The following CADPS2 variants were observed in gnomAD, a reference collection of about 807,000 sequenced individuals.
CADPS2 encodes the protein calcium-dependent secretion activator 2.
A neutral mutation model predicts 172.5 loss-of-function variants in CADPS2; 93 were observed. That is an observed-to-expected ratio of 0.54 (90% CI 0.46 to 0.64). The LOEUF (loss-of-function observed/expected upper bound fraction) is 0.64, where lower values mean the gene tolerates loss of function less well. Among genes scored for constraint, CADPS2 ranks in the 30% least tolerant of loss-of-function variants. The pLI is 0.00. For missense variants in CADPS2, 1,420 were observed against 1,565.9 expected (o/e 0.91, Z 1.57); for synonymous variants, 546 against 555.2 (o/e 0.98, Z 0.23).
rs371276214 is a variant in CADPS2 at position 122,705,957 on chromosome 7, T to TA, written c.453+30997dup. ...ATATTATATAATATAATATATAATA[T>TA]ATATATAATATAATATAATATATAA... On this transcript the variant is annotated intron_variant, in intron 2 of 29. Coordinates refer to ENST00000449022, the MANE Select transcript of CADPS2 (RefSeq NM_017954.11). 7.0e-3 allele frequency among the ~76,000 whole-genome samples: 86 copies of TA among 12,312 alleles called. 27 individuals carry two copies. The highest frequency in any genetic ancestry group is 0.039 in the African/African-American group (84 of 2,168). 8.1% of individuals were successfully genotyped at this position (12,312 alleles called of 152,430 possible).
At chr7:122,645,526 A>ATTTACATAT (rs1563950770) in intron 3 of CADPS2, among the ~76,000 whole-genome samples, 9 of 29,066 alleles carry the variant, frequency 3.1e-4, no homozygotes, top group African/African-American at 9.2e-4. Flanking sequence ...ATATATATAT[A>ATTTACATAT]AGTATATATA....
chr7:122,718,659 A>C (rs373744353), intron 2 of CADPS2, among the ~76,000 whole-genome samples: 16 of 152,252 alleles, frequency 1.1e-4, no homozygotes, highest in African/African-American at 3.8e-4. Flanking sequence ...AACTGATCAA[A>C]TGGGGCCGTG....
intron 1 of CADPS2, among the ~76,000 whole-genome samples, chr7:122,747,912 T>C (rs375021611): frequency 2.3e-4 from 35 of 152,296 alleles, no homozygotes; most frequent in African/African-American, 6.7e-4. Context: ...ATCTCCTTCT[T>C]TCTGCTGCCC....
intron 2 of CADPS2, chr7:122,697,902 T>G (rs1468357344): frequency 1.9e-6 from 3 of 1,613,534 alleles, no homozygotes; most frequent in Non-Finnish European, 2.5e-6. Context: ...CAGGAGAAAC[T>G]TCATTATTTG....
chr7:122,693,303 T>C (rs1304890720), intron 2 of CADPS2, among the ~76,000 whole-genome samples: 1 of 152,234 alleles, frequency 6.6e-6, no homozygotes, highest in Non-Finnish European at 1.5e-5. Context: ...AATTCTGCCC[T>C]TCATATCGCC....
At chr7:122,765,005 C>G (rs554015050) in intron 1 of CADPS2, among the ~76,000 whole-genome samples, 1 of 152,278 alleles carries the variant, frequency 6.6e-6, no homozygotes, top group South Asian at 2.1e-4. Flanking sequence ...AGATGGTTCA[C>G]CAAGTAGGTG....
At chr7:122,677,314 C>A (rs980992232) in intron 2 of CADPS2, among the ~76,000 whole-genome samples, 1 of 152,224 alleles carries the variant, frequency 6.6e-6, no homozygotes, top group African/African-American at 2.4e-5. Flanking sequence ...AAAGAATTTG[C>A]AAATCAAAAG....
chr7:122,325,327 C>G, intron 29 of CADPS2, 150 bp downstream of exon 29: 1 of 497,358 alleles, frequency 2.0e-6, no homozygotes, highest in Non-Finnish European at 3.6e-6. Context: ...ATTTATTAAT[C>G]TAACTAAACG....
chr7:122,447,543 A>ATTTTTT lies in CADPS2; in HGVS notation c.2288+3825_2288+3830dup, dbSNP rs1159112244. Among the ~76,000 whole-genome samples, 270 of 89,770 alleles carry ATTTTTT rather than the reference A, an allele frequency of 3.0e-3. 46 individuals carry two copies. The highest frequency in any genetic ancestry group is 7.3e-3 in the East Asian group (19 of 2,594). 58.9% of individuals were successfully genotyped at this position (89,770 alleles called of 152,430 possible). On this transcript the variant is annotated intron_variant, in intron 15 of 29. Transcript: ENST00000449022. Reference sequence around the variant, plus strand: ...CCATGTTGATTTCTTGTTTCGGGGAATTTTTTTTTTTTTTTTTTTTTTTTT... The same window carrying ATTTTTT: ...CCATGTTGATTTCTTGTTTCGGGGAATTTTTTTTTTTTTTTTTTTTTTTTTTTTTTT...
chr7:122,535,838 T>C (rs773903751), intron 8 of CADPS2, among the ~76,000 whole-genome samples: 14 of 152,118 alleles, frequency 9.2e-5, no homozygotes, highest in Non-Finnish European at 1.9e-4. Flanking sequence ...AAAATTCCAC[T>C]GCGAGTCTTA....
chr7:122,615,537 AAAGT>A (rs1483375810), intron 5 of CADPS2, among the ~76,000 whole-genome samples: 1 of 152,314 alleles, frequency 6.6e-6, no homozygotes, highest in East Asian at 1.9e-4. Context: ...GATACAAATA[AAAGT>A]AAGGTCAAAT....
At chr7:122,517,142 T>C (rs2060438229) in intron 8 of CADPS2, among the ~76,000 whole-genome samples, 1 of 152,308 alleles carries the variant, frequency 6.6e-6, no homozygotes, top group East Asian at 1.9e-4. Context: ...ATTGGAATTA[T>C]TCAGTATGTA....
At chr7:122,823,739 A>C (rs561621190) in intron 1 of CADPS2, among the ~76,000 whole-genome samples, 1 of 152,252 alleles carries the variant, frequency 6.6e-6, no homozygotes, top group South Asian at 2.1e-4. Context: ...AAATTTAAGA[A>C]AATATATGAC....
At chr7:122,681,084 C>T (rs1352317696) in intron 2 of CADPS2, among the ~76,000 whole-genome samples, 1 of 139,930 alleles carries the variant, frequency 7.1e-6, no homozygotes, top group Non-Finnish European at 1.5e-5. Context: ...AACAATGAGA[C>T]CACATGGACA....
At chr7:122,563,597 T>A (rs1253546566) in intron 7 of CADPS2, among the ~76,000 whole-genome samples, 4 of 152,182 alleles carry the variant, frequency 2.6e-5, no homozygotes, top group Non-Finnish European at 5.9e-5. Flanking sequence ...ATTTCATAAA[T>A]ATAACAAATT....
intron 20 of CADPS2, among the ~76,000 whole-genome samples, chr7:122,398,608 C>T (rs762099805): frequency 1.3e-5 from 2 of 152,146 alleles, no homozygotes; most frequent in Non-Finnish European, 2.9e-5. Flanking sequence ...ATTAATAAGT[C>T]GCTCTCCATG....
chr7:122,412,516 C>A (rs2047431457), intron 19 of CADPS2, among the ~76,000 whole-genome samples: 2 of 152,194 alleles, frequency 1.3e-5, no homozygotes, highest in African/African-American at 2.4e-5. Context: ...TCACACTGAA[C>A]TCTCACTGTC....
intron 8 of CADPS2, among the ~76,000 whole-genome samples, chr7:122,540,745 C>G (rs1041030698): frequency 3.9e-5 from 6 of 152,038 alleles, no homozygotes; most frequent in African/African-American, 1.4e-4. Context: ...GCAGGATAAA[C>G]ACTTTCTTCT....
intron 15 of CADPS2, among the ~76,000 whole-genome samples, chr7:122,442,091 T>C (rs2051430478): frequency 6.6e-6 from 1 of 152,166 alleles, no homozygotes; most frequent in African/African-American, 2.4e-5. Flanking sequence ...CCTCTGCAGT[T>C]CTTTTGAATA....
Sources: gnomAD v4.1 joint callset for allele counts (sites outside exome capture counted in the v4.1 genomes callset) on GRCh38, gnomAD v4.1.1 for gene constraint, MANE v1.5 for transcripts, NCBI Gene and HGNC (gene_info 2026-07-23, HGNC 2026-07-21) for gene names.